The following LHFPL3 variants were observed in gnomAD, a reference collection of about 807,000 sequenced individuals.
LHFPL3 encodes LHFPL tetraspan subfamily member 3, also known as LHFPL tetraspan subfamily member 3 protein.
A neutral mutation model predicts 19.3 loss-of-function variants in LHFPL3; 5 were observed. The observed-to-expected ratio is 0.26, with a 90% CI of 0.14 to 0.54. The LOEUF (loss-of-function observed/expected upper bound fraction) is 0.54. Ranked by LOEUF, LHFPL3 falls within the 20% of genes least tolerant of loss-of-function variation. The pLI is 0.94. For synonymous variants in LHFPL3, 133 were observed against 126.2 expected (o/e 1.05, Z -0.36); for missense variants, 249 against 307.4 (o/e 0.81, Z 1.42).
chr7:104,401,278 G>A (rs1437576333), intron 1 of LHFPL3, among the ~76,000 whole-genome samples: 1 of 152,150 alleles, frequency 6.6e-6, no homozygotes, highest in Non-Finnish European at 1.5e-5. Context: ...GATTCTTGGA[G>A]GAAAATTAAG....
chr7:104,393,721 A>C (rs2116477814), intron 1 of LHFPL3, among the ~76,000 whole-genome samples: 1 of 152,268 alleles, frequency 6.6e-6, no homozygotes, highest in East Asian at 1.9e-4. Flanking sequence ...GTCTCAAAAA[A>C]AGAAAAAAAA....
At chr7:104,776,757 A>G (rs760571275) in intron 2 of LHFPL3, among the ~76,000 whole-genome samples, 2 of 152,170 alleles carry the variant, frequency 1.3e-5, no homozygotes, top group African/African-American at 4.8e-5. Context: ...TTGGTTTCCT[A>G]TTTTACAACA....
At chr7:104,462,403 C>T (rs753968288) in intron 1 of LHFPL3, among the ~76,000 whole-genome samples, 1 of 152,084 alleles carries the variant, frequency 6.6e-6, no homozygotes, top group Non-Finnish European at 1.5e-5. Flanking sequence ...TATGTTCCTT[C>T]AATATGTAGT....
chr7:104,403,725 T>TCTCTCTCTCTCTCTCTCTCTC (rs1791360457), intron 1 of LHFPL3, among the ~76,000 whole-genome samples: 1 of 143,596 alleles, frequency 7.0e-6, no homozygotes, highest in African/African-American at 2.6e-5. Flanking sequence ...TTAGTGAACA[T>TCTCTCTCTCTCTCTCTCTCTC]TCTCTCTCTC....
At chr7:104,853,336 A>T (rs182750922) in intron 2 of LHFPL3, among the ~76,000 whole-genome samples, 64 of 152,298 alleles carry the variant, frequency 4.2e-4, no homozygotes, top group Non-Finnish European at 5.9e-5. Context: ...ACAGGCTGTG[A>T]GGATCCTAAG....
chr7:104,343,490 G>A (rs1337723122), intron 1 of LHFPL3, among the ~76,000 whole-genome samples: 1 of 105,608 alleles, frequency 9.5e-6, no homozygotes, highest in Middle Eastern at 0.011. Flanking sequence ...TCCAGCCTGG[G>A]CAACAGAGTG....
At chr7:104,606,497 T>A (rs1791105239) in intron 1 of LHFPL3, among the ~76,000 whole-genome samples, 1 of 152,056 alleles carries the variant, frequency 6.6e-6, no homozygotes. Flanking sequence ...GAAACTTAGG[T>A]TTCGGTAAAA....
chr7:104,387,025 A>G (rs561161483), intron 1 of LHFPL3, among the ~76,000 whole-genome samples: 1 of 152,222 alleles, frequency 6.6e-6, no homozygotes, highest in East Asian at 1.9e-4. Flanking sequence ...AAACTATACC[A>G]GAGGAAGCCA....
chr7:104,451,416 T>G (rs1438905517), intron 1 of LHFPL3, among the ~76,000 whole-genome samples: 1 of 152,178 alleles, frequency 6.6e-6, no homozygotes, highest in Admixed American at 6.5e-5. Context: ...ACTGTGATAT[T>G]GGGGAAGGAG....
At chr7:104,370,654 T>C (rs1790595589) in intron 1 of LHFPL3, among the ~76,000 whole-genome samples, 1 of 152,102 alleles carries the variant, frequency 6.6e-6, no homozygotes, top group Admixed American at 6.5e-5. Context: ...TGGCCAATGC[T>C]GGTGGATCGC....
chr7:104,587,181 A>G (rs904462526), intron 1 of LHFPL3, among the ~76,000 whole-genome samples: 5 of 152,208 alleles, frequency 3.3e-5, no homozygotes, highest in Admixed American at 1.3e-4. Flanking sequence ...CAGGTCTGTT[A>G]CATATGTATA....
At chr7:104,521,467 C>A (rs1208012509) in intron 1 of LHFPL3, among the ~76,000 whole-genome samples, 1 of 152,100 alleles carries the variant, frequency 6.6e-6, no homozygotes, top group African/African-American at 2.4e-5. Flanking sequence ...CCATTCAGGA[C>A]ATAGGCATGG....
chr7:104,511,876 A>G (rs996157017), intron 1 of LHFPL3, among the ~76,000 whole-genome samples: 12 of 152,132 alleles, frequency 7.9e-5, no homozygotes, highest in Middle Eastern at 3.4e-3. Flanking sequence ...TGAGATTCTA[A>G]GTATGTCCTC....
intron 2 of LHFPL3, among the ~76,000 whole-genome samples, 156 bp from the exon 3 acceptor site, chr7:104,906,031 A>C (rs1265829845): frequency 1.3e-5 from 2 of 152,242 alleles, no homozygotes; most frequent in Non-Finnish European, 2.9e-5. Context: ...CAAACTTTCC[A>C]GTATTGTTTG....
intron 1 of LHFPL3, among the ~76,000 whole-genome samples, chr7:104,678,922 T>C (rs761725373): frequency 6.6e-6 from 1 of 152,230 alleles, no homozygotes; most frequent in Non-Finnish European, 1.5e-5. Context: ...CTAAATAAGT[T>C]TTCTAAAACT....
At chr7:104,491,010 G>A (rs1793334392) in intron 1 of LHFPL3, among the ~76,000 whole-genome samples, 1 of 152,120 alleles carries the variant, frequency 6.6e-6, no homozygotes, top group African/African-American at 2.4e-5. Flanking sequence ...ACAGAACTTG[G>A]AATCTTGGAA....
intron 1 of LHFPL3, among the ~76,000 whole-genome samples, chr7:104,608,093 C>T (rs1402628721): frequency 6.6e-6 from 1 of 152,138 alleles, no homozygotes; most frequent in Non-Finnish European, 1.5e-5. Context: ...TGCGGCGATT[C>T]CTCAGGGATC....
intron 1 of LHFPL3, among the ~76,000 whole-genome samples, chr7:104,621,243 C>T (rs1352629887): frequency 6.6e-6 from 1 of 152,164 alleles, no homozygotes; most frequent in Admixed American, 6.5e-5. Context: ...TTGAGGCTTA[C>T]TTGAATCGGG....
chr7:104,430,405 C>CATATGTATATATATATATATAT (rs1791954035), intron 1 of LHFPL3, among the ~76,000 whole-genome samples: 1 of 22,456 alleles, frequency 4.5e-5, no homozygotes, highest in Non-Finnish European at 7.6e-5. Flanking sequence ...TATATATATA[C>CATATGTATATATATATATATAT]ATATATATAT....
Sources: allele counts gnomAD v4.1 joint callset (sites outside exome capture counted in the v4.1 genomes callset), GRCh38; gene constraint gnomAD v4.1.1; transcripts MANE v1.5; gene names NCBI Gene and HGNC (gene_info 2026-07-23, HGNC 2026-07-21).